Variants in DCUN1D1 observed in about 807,000 individuals in gnomAD.
The protein encoded by DCUN1D1 is defective in cullin neddylation 1 domain containing 1.
In DCUN1D1, 3 loss-of-function variants were observed where a neutral mutation model predicts 39.0. That is an observed-to-expected ratio of 0.08 (90% CI 0.04 to 0.20). The LOEUF is 0.20. Among genes scored for constraint, DCUN1D1 ranks in the 10% least tolerant of loss-of-function variants. The pLI is 1.00. For missense variants in DCUN1D1, 158 were observed against 302.4 expected (o/e 0.52, Z 3.54); for synonymous variants, 82 against 96.3 (o/e 0.85, Z 0.87).
chr3:182,976,448 C>T (rs754411393), intron 1 of DCUN1D1, among the ~76,000 whole-genome samples: 29 of 21,364 alleles, frequency 1.4e-3, no homozygotes, highest in Middle Eastern at 0.05. Context: ...CATACATACA[C>T]ACACACACAC....
intron 1 of DCUN1D1, among the ~76,000 whole-genome samples, chr3:182,967,998 C>T (rs544235478): frequency 2.2e-4 from 33 of 152,206 alleles, no homozygotes; most frequent in Non-Finnish European, 4.1e-4. Context: ...TCAGTGACCA[C>T]TGCACAATGG....
rs961109102 is a variant in DCUN1D1 at position 182,939,538 on chromosome 3, G to A, written c.*5556C>T. The A allele has an allele frequency of 6.6e-6, 1 of 152,168 alleles. No individual in the cohort carries two copies. Among genetic ancestry groups the A allele is most frequent in the East Asian group, 1.9e-4 (1 of 5,200 alleles). The allele number at this position is 152,168 out of a possible 1,614,324, so 9.4% of individuals were successfully genotyped here. A position where few individuals can be genotyped will look rare whatever the true frequency, so the allele number is the denominator to read the frequency against. ...AAGTCAGCAACTAAAGGAACTACAC[G>A]CAGGTATAAGCTGCAACATGGATGA... is the stretch of plus-strand genomic sequence containing the variant. On this transcript the variant is annotated 3_prime_UTR_variant, in exon 7 of 7. Transcript: ENST00000292782.
At chr3:182,948,874 C>A (rs1726553728) in intron 4 of DCUN1D1, among the ~76,000 whole-genome samples, 1 of 151,630 alleles carries the variant, frequency 6.6e-6, no homozygotes, top group South Asian at 2.1e-4. Context: ...ATGGTGAAAC[C>A]CCATCGCTAC....
intron 4 of DCUN1D1, among the ~76,000 whole-genome samples, chr3:182,958,151 A>G (rs975289869): frequency 2.0e-5 from 3 of 151,916 alleles, no homozygotes; most frequent in African/African-American, 7.3e-5. Flanking sequence ...GTTATAAAAA[A>G]CTGTTTCCTT....
chr3:182,977,265 G>A (rs1226401851), intron 1 of DCUN1D1, among the ~76,000 whole-genome samples: 3 of 152,174 alleles, frequency 2.0e-5, no homozygotes, highest in Non-Finnish European at 4.4e-5. Flanking sequence ...TTCTTCTTGT[G>A]TAAAAATGGG....
intron 1 of DCUN1D1, 30 bp downstream of exon 1, chr3:182,980,457 C>T: frequency 8.8e-7 from 1 of 1,138,146 alleles, no homozygotes; most frequent in Non-Finnish European, 1.1e-6. Context: ...CCCCAGCCGG[C>T]AGGGCGGGCG....
In DCUN1D1 at chr3:182,941,386, A is replaced by C. The variant is rs1205613906; in HGVS notation, c.*3708T>G. On this transcript the variant is annotated 3_prime_UTR_variant, in exon 7 of 7. Coordinates refer to ENST00000292782, the MANE Select transcript of DCUN1D1 (RefSeq NM_020640.4). ...ACTTCACCACAGTCCTATGAAATAA[A>C]AATAGAAATTATTGCTATATTATGA... The C allele has an allele frequency of 6.6e-6, 1 of 152,116 alleles. No homozygotes were observed. The highest frequency in any genetic ancestry group is 2.4e-5 in the African/African-American group (1 of 41,444). 9.4% of individuals were successfully genotyped at this position (152,116 alleles called of 1,614,324 possible).
chr3:182,971,274 G>A (rs1178286560), intron 1 of DCUN1D1, among the ~76,000 whole-genome samples: 1 of 152,204 alleles, frequency 6.6e-6, no homozygotes, highest in African/African-American at 2.4e-5. Flanking sequence ...CACAGAGGAA[G>A]AAAGATGGAC....
rs555902540 is a variant in DCUN1D1 at position 182,948,293 on chromosome 3, A to G, written c.521-661T>C. On this transcript the variant is annotated intron_variant, in intron 4 of 6. Transcript: ENST00000292782. ...AATACTGATCTAAAACTTAAAATTA[A>G]TAAGAAACCAAGAATTTCTTAAAGT... Among the ~76,000 whole-genome samples the G allele has an allele frequency of 1.2e-4, 19 of 152,368 alleles. No individual in the cohort carries two copies. The South Asian group carries it at 3.9e-3, about 32-fold the overall frequency.
At chr3:182,954,614 GA>G (rs151098493) in intron 4 of DCUN1D1, among the ~76,000 whole-genome samples, 13,268 of 151,814 alleles carry the variant, frequency 0.087, 616 homozygotes, top group Middle Eastern at 0.16. Flanking sequence ...CATTTCACGA[GA>G]AAAAAGGTAA....
Position 182,965,686 on chromosome 3 carries a change from T to A in DCUN1D1, c.71A>T (p.Lys24Ile). Reference sequence around the variant, plus strand: ...TTGAGAAAGACAACTTACTGCTGTTTTTTCACTAGATTGTGTGAAGATCAT... The same window carrying A: ...TTGAGAAAGACAACTTACTGCTGTTATTTCACTAGATTGTGTGAAGATCAT... ...QFMIFTQSSE[K>I]TAVSCLSQND... Residue 24 changes from lysine to isoleucine, a missense_variant, in exon 2 of 7, where the codon AAA (lysine) becomes ATA (isoleucine). By Grantham distance (102) the Lys-to-Ile change is moderately radical (BLOSUM62 -3). Transcript: ENST00000292782. 6.2e-7 allele frequency: 1 copy of A among 1,613,874 alleles called. No individual in the cohort carries two copies. The highest frequency in any genetic ancestry group is 1.1e-5 in the South Asian group (1 of 91,076).
chr3:182,972,077 G>A (rs1269165693), intron 1 of DCUN1D1, among the ~76,000 whole-genome samples: 4 of 133,662 alleles, frequency 3.0e-5, no homozygotes, highest in Non-Finnish European at 6.4e-5. Flanking sequence ...TTTTTTGGTT[G>A]GGGGTAAGAA....
At position 182,944,873 on chromosome 3, in the gene DCUN1D1, T is replaced by C. The variant is rs1365121140; in HGVS notation, c.*221A>G. 1 of 450,400 alleles carries C rather than the reference T, an allele frequency of 2.2e-6. No homozygotes were observed. Among genetic ancestry groups the C allele is most frequent in the Non-Finnish European group, 4.0e-6 (1 of 252,694 alleles). 27.9% of individuals were successfully genotyped at this position (450,400 alleles called of 1,614,324 possible). A position where few individuals can be genotyped will look rare whatever the true frequency, so the allele number is the denominator to read the frequency against. ...GATGAAATCCACAATGTTGGAATTA[T>C]AAATGTTTAGAGCGGCCCAGACTAG... On this transcript the variant is annotated 3_prime_UTR_variant, in exon 7 of 7. Transcript: ENST00000292782.
At chr3:182,952,203 G>A (rs1397557854) in intron 4 of DCUN1D1, among the ~76,000 whole-genome samples, 1 of 152,138 alleles carries the variant, frequency 6.6e-6, no homozygotes, top group African/African-American at 2.4e-5. Flanking sequence ...TGATAGAACT[G>A]TCACTTCCTT....
chr3:182,947,360 C>A, intron 5 of DCUN1D1, 26 bp from the exon 6 acceptor site: 2 of 1,454,858 alleles, frequency 1.4e-6, no homozygotes, highest in Non-Finnish European at 9.5e-7. Context: ...AAACAAAATA[C>A]ATTTGTATCA....
chr3:182,967,138 A>G (rs1577189246), intron 1 of DCUN1D1, among the ~76,000 whole-genome samples: 1 of 23,808 alleles, frequency 4.2e-5, no homozygotes, highest in South Asian at 1.1e-3. Context: ...CTATATATAT[A>G]TATATATATA....
intron 4 of DCUN1D1, among the ~76,000 whole-genome samples, chr3:182,959,001 T>G (rs1727238015): frequency 6.6e-6 from 1 of 152,182 alleles, no homozygotes; most frequent in African/African-American, 2.4e-5. Context: ...TATCAAAATA[T>G]TGTACTACAC....
chr3:182,951,181 TTG>T (rs1726714070), intron 4 of DCUN1D1, among the ~76,000 whole-genome samples: 1 of 152,150 alleles, frequency 6.6e-6, no homozygotes, highest in Non-Finnish European at 1.5e-5. Flanking sequence ...GCCAAAAATG[TTG>T]TGACTAAATA....
At chr3:182,968,533 T>C (rs1014752159) in intron 1 of DCUN1D1, among the ~76,000 whole-genome samples, 1 of 151,988 alleles carries the variant, frequency 6.6e-6, no homozygotes, top group African/African-American at 2.4e-5. Context: ...ATTATACAAA[T>C]GAATTAATTC....
Sources: gnomAD v4.1 joint callset for allele counts (sites outside exome capture counted in the v4.1 genomes callset) on GRCh38, gnomAD v4.1.1 for gene constraint, MANE v1.5 for transcripts, NCBI Gene and HGNC (gene_info 2026-07-23, HGNC 2026-07-21) for gene names.